Variants in BUB1 observed in about 807,000 individuals in gnomAD.
BUB1 encodes BUB1 mitotic checkpoint serine/threonine kinase, also known as mitotic checkpoint serine/threonine-protein kinase BUB1.
Under a neutral mutation model 135.2 loss-of-function variants are expected in BUB1, and 84 were observed. The ratio of observed to expected loss-of-function variants is 0.62; its 90% confidence interval spans 0.52 to 0.74. The LOEUF is 0.74. BUB1 is among the 30% of genes least tolerant of loss of function. The probability of loss-of-function intolerance (pLI) is 0.00; values close to 1 mark genes in which losing one functional copy is unlikely to be tolerated. For missense variants in BUB1, 1,162 were observed against 1,288.3 expected (o/e 0.90, Z 1.50); for synonymous variants, 403 against 434.4 (o/e 0.93, Z 0.90).
intron 19 of BUB1, among the ~76,000 whole-genome samples, chr2:110,644,765 T>C (rs1387007671): frequency 1.3e-5 from 2 of 152,156 alleles, no homozygotes; most frequent in African/African-American, 2.4e-5. Context: ...ATATCTAAAG[T>C]ACTTAGAAAT....
At chr2:110,656,907 T>C (rs891927335) in intron 15 of BUB1, 129 bp downstream of exon 15, 24 of 539,150 alleles carry the variant, frequency 4.5e-5, no homozygotes, top group African/African-American at 4.3e-4. Flanking sequence ...AAGAAACATA[T>C]TCTTCCTATG....
chr2:110,673,267 T>A (rs937629793), intron 3 of BUB1, among the ~76,000 whole-genome samples: 3 of 152,214 alleles, frequency 2.0e-5, no homozygotes, highest in Non-Finnish European at 2.9e-5. Flanking sequence ...TGTTCATCAG[T>A]ATTCTTAATA....
intron 1 of BUB1, among the ~76,000 whole-genome samples, chr2:110,675,941 A>G (rs1000276123): frequency 6.6e-6 from 1 of 152,194 alleles, no homozygotes; most frequent in Non-Finnish European, 1.5e-5. Flanking sequence ...ATGAGCCACC[A>G]TGTCCTGCCT....
rs370305992 is a variant in BUB1 at position 110,678,020 on chromosome 2, G to T, written c.-25C>A. On this transcript the variant is annotated 5_prime_UTR_variant, in exon 1 of 25. Transcript: ENST00000302759. ...TGGCCAGAGGACGCTGGCCGGCAGC[G>T]GCCAAACCTGAACCGCAAACTAGAA... 3 of 1,599,048 alleles carry T rather than the reference G, an allele frequency of 1.9e-6. No homozygotes were observed. The highest frequency in any genetic ancestry group is 1.7e-5 in the Admixed American group (1 of 57,672).
Position 110,637,901 on chromosome 2 carries a change from A to C in BUB1, c.*63T>G. Reference sequence around the variant, plus strand: ...CATAAACAATAAATGAAAAAAAAACAGGTTTAAAGTGAGCAGATTCATATT... The same window carrying C: ...CATAAACAATAAATGAAAAAAAAACCGGTTTAAAGTGAGCAGATTCATATT... On this transcript the variant is annotated 3_prime_UTR_variant, in exon 25 of 25. Transcript: ENST00000302759. The C allele has an allele frequency of 9.0e-7, 1 of 1,113,356 alleles. No homozygotes were observed. Among genetic ancestry groups the C allele is most frequent in the Non-Finnish European group, 1.2e-6 (1 of 829,350 alleles). 69.0% of individuals were successfully genotyped at this position (1,113,356 alleles called of 1,614,324 possible). A position where few individuals can be genotyped will look rare whatever the true frequency, so the allele number is the denominator to read the frequency against.
chr2:110,666,022 A>G (rs1249383005), intron 9 of BUB1: 1 of 359,640 alleles, frequency 2.8e-6, no homozygotes, highest in African/African-American at 2.1e-5. Context: ...CTATATATAA[A>G]TACATGAATA....
intron 16 of BUB1, 44 bp downstream of exon 16, chr2:110,655,695 T>C: frequency 1.4e-6 from 2 of 1,446,910 alleles, no homozygotes; most frequent in East Asian, 4.7e-5. Context: ...ACTGAAAGAA[T>C]CAAAGTTGGC....
intron 24 of BUB1, among the ~76,000 whole-genome samples, chr2:110,638,926 C>CA (rs1553514646): frequency 2.0e-5 from 3 of 147,708 alleles, no homozygotes; most frequent in Non-Finnish European, 3.0e-5. Context: ...TGCCATTTTT[C>CA]TTTTTTTTTT....
chr2:110,650,666 C>A lies in BUB1; in HGVS notation c.2083G>T (p.Val695Phe). The A allele has an allele frequency of 6.2e-7, 1 of 1,613,978 alleles. No homozygotes were observed. Among genetic ancestry groups the A allele is most frequent in the Non-Finnish European group, 8.5e-7 (1 of 1,179,958 alleles). The change falls in exon 18 of 25, where the codon GTT becomes TTT. Residue 695 changes from valine (V) to phenylalanine (F), a missense_variant. Coordinates refer to ENST00000302759, the MANE Select transcript of BUB1 (RefSeq NM_004336.5). ...GVLTCEAELGVEACRLTDTDA... is the reference protein window; with the variant it reads ...GVLTCEAELGFEACRLTDTDA... ...GTGTCTGTGAGTCTGCAAGCCTCAA[C>A]GCCCAACTCTGCCTCACAGGTAAGT...
At chr2:110,669,333 C>T in intron 6 of BUB1, 120 bp downstream of exon 6, 1 of 718,290 alleles carries the variant, frequency 1.4e-6, no homozygotes, top group Non-Finnish European at 2.4e-6. Flanking sequence ...TGACATGGAG[C>T]TCAGAGCCAT....
intron 8 of BUB1, 144 bp downstream of exon 8, chr2:110,667,377 A>G: frequency 1.1e-6 from 1 of 918,744 alleles, no homozygotes; most frequent in Admixed American, 3.4e-5. Flanking sequence ...GTTAATAATG[A>G]TTTCTGGGCT....
Position 110,648,302 on chromosome 2 carries a change from A to G in BUB1, c.2347+932T>C, listed in dbSNP as rs970382674. ...AAAAGATGCCAGTTGAAAAGGCTAT[A>G]TACTATATGATTCCAACTATATGAC... On this transcript the variant is annotated intron_variant, in intron 19 of 24. Coordinates refer to ENST00000302759, the MANE Select transcript of BUB1 (RefSeq NM_004336.5). The surrounding 1 kb of genome is among the most constrained non-coding windows in gnomAD (Gnocchi z 4.2). 3.9e-5 allele frequency among the ~76,000 whole-genome samples: 6 copies of G among 152,176 alleles called. No individual in the cohort carries two copies. Among genetic ancestry groups the G allele is most frequent in the Admixed American group, 3.3e-4 (5 of 15,274 alleles).
At chr2:110,662,134 C>A in intron 9 of BUB1, 1 of 307,082 alleles carries the variant, frequency 3.3e-6, no homozygotes, top group Admixed American at 4.7e-5. Context: ...TAAGTATTAT[C>A]TTATTTCTCT....
rs1574320019 is a variant in BUB1 at position 110,650,541 on chromosome 2, C to T, written c.2203+5G>A. ...AAGGGCATAACAAAGAGTGAGTGTT[C>T]GTACTTGGAGCATCAACAGTCCCAA... is the stretch of plus-strand genomic sequence containing the variant. On this transcript the variant is annotated splice_donor_5th_base_variant and intron_variant, in intron 18 of 24. Coordinates refer to ENST00000302759, the MANE Select transcript of BUB1 (RefSeq NM_004336.5). 2 of 1,611,318 alleles carry T rather than the reference C, an allele frequency of 1.2e-6. No homozygotes were observed. Among genetic ancestry groups the T allele is most frequent in the Non-Finnish European group, 8.5e-7 (1 of 1,178,208 alleles).
At chr2:110,655,962 T>TA (rs747236330) in intron 15 of BUB1, 46 bp from the exon 16 acceptor site, 2 of 1,567,118 alleles carry the variant, frequency 1.3e-6, no homozygotes, top group Non-Finnish European at 8.8e-7. Context: ...TCTCCCTCTT[T>TA]AGTCCATGAA....
chr2:110,677,928 C>T, intron 1 of BUB1, 42 bp downstream of exon 1: 2 of 1,594,538 alleles, frequency 1.3e-6, no homozygotes, highest in Non-Finnish European at 1.7e-6. Context: ...CCCAGGCGCC[C>T]CAGCCCCCTG....
chr2:110,674,305 C>G lies in BUB1; in HGVS notation c.86+1G>C. 1 of 1,614,010 alleles carries G rather than the reference C, an allele frequency of 6.2e-7. No homozygotes were observed. Among genetic ancestry groups the G allele is most frequent in the Non-Finnish European group, 8.5e-7 (1 of 1,179,956 alleles). ...GGGAAATAAAATAACTAAATGCTGA[C>G]CTTTCCCATTCACCAAGAGGGTCAT... On this transcript the variant is annotated splice_donor_variant, in intron 2 of 24. Transcript: ENST00000302759. LOFTEE classifies it high-confidence loss of function.
At chr2:110,639,988 C>G in intron 23 of BUB1, 140 bp from the exon 24 acceptor site, 1 of 742,948 alleles carries the variant, frequency 1.3e-6, no homozygotes, top group South Asian at 1.5e-5. Flanking sequence ...TTTGTTCAAT[C>G]GCCCCACTAA....
rs1206354243 is a variant in BUB1 at position 110,641,757 on chromosome 2, A to G, written c.2510T>C (p.Leu837Ser). The G allele has an allele frequency of 6.2e-7, 1 of 1,610,086 alleles. No individual in the cohort carries two copies. The highest frequency in any genetic ancestry group is 1.3e-5 in the African/African-American group (1 of 74,938). Residue 837 changes from leucine to serine, a missense_variant, in exon 21 of 25, where the codon TTG becomes TCG. By Grantham distance (145) the Leu-to-Ser change is moderately radical. Coordinates refer to ENST00000302759, the MANE Select transcript of BUB1 (RefSeq NM_004336.5). ...NPWEFYIGTQ[L>S]MERLKPSMQH... ...CATAGATGGCTTTAGTCTTTCCATC[A>G]ACTGGGTCCCAATGTAGAATTCCCA...
Sources: gnomAD v4.1 joint callset for allele counts (sites outside exome capture counted in the v4.1 genomes callset) on GRCh38, gnomAD v4.1.1 for gene constraint, Gnocchi (gnomAD v3.1) non-coding constraint, MANE v1.5 for transcripts, NCBI Gene and HGNC (gene_info 2026-07-23, HGNC 2026-07-21) for gene names.